XDH: variants seen among roughly 807,000 people sequenced by gnomAD.
XDH encodes xanthine dehydrogenase/oxidase.
A neutral mutation model predicts 156.1 loss-of-function variants in XDH; 138 were observed. The ratio of observed to expected loss-of-function variants is 0.88; its 90% CI spans 0.77 to 1.02. XDH has a LOEUF of 1.02. Among genes scored for constraint, XDH ranks in the 50% least tolerant of loss-of-function variants. The pLI, the probability that XDH is intolerant of heterozygous loss-of-function variation, is 0.00. For missense variants in XDH, 1,849 were observed against 1,684.9 expected (o/e 1.10, Z -1.71); for synonymous variants, 669 against 625.7 (o/e 1.07, Z -1.03).
chr2:31,364,966 A>G (rs1045436128), intron 23 of XDH, among the ~76,000 whole-genome samples: 8 of 152,154 alleles, frequency 5.3e-5, no homozygotes, highest in Non-Finnish European at 8.8e-5. Flanking sequence ...ATCCACAGAA[A>G]CCCAGAAGAG....
At chr2:31,394,545 T>C (rs559143875) in intron 6 of XDH, among the ~76,000 whole-genome samples, 97 of 152,298 alleles carry the variant, frequency 6.4e-4, no homozygotes, top group African/African-American at 2.2e-3. Context: ...TTGTGTTCTC[T>C]GAATTTCCTG....
chr2:31,403,049 C>A lies in XDH; in HGVS notation c.196G>T (p.Val66Phe). 6.2e-7 allele frequency: 1 copy of A among 1,614,122 alleles called. No individual in the cohort carries two copies. Among genetic ancestry groups the A allele is most frequent in the Non-Finnish European group, 8.5e-7 (1 of 1,180,022 alleles). ...GGTCAGCCAGCAGGCAAAGGATACA[C>A]GATCTTGTTCTGCAGACGATCATAC... ...SKYDRLQNKI[V>F]HFSANACLAP... Residue 66 changes from valine to phenylalanine, a missense_variant and splice_region_variant, in exon 3 of 36, where the codon GTC becomes TTC. Transcript: ENST00000379416.
At chr2:31,372,668 T>C (rs1252041803) in intron 16 of XDH, among the ~76,000 whole-genome samples, 1 of 152,222 alleles carries the variant, frequency 6.6e-6, no homozygotes, top group African/African-American at 2.4e-5. Context: ...TGCAGCCCCA[T>C]ATAACACAAT....
At chr2:31,383,680 A>G in intron 10 of XDH, 75 bp downstream of exon 10, 1 of 1,435,710 alleles carries the variant, frequency 7.0e-7, no homozygotes, top group South Asian at 1.2e-5. Context: ...GACCACCCTG[A>G]TACCTGCCAC....
chr2:31,411,807 T>C (rs1192934160), intron 1 of XDH, among the ~76,000 whole-genome samples: 1 of 152,236 alleles, frequency 6.6e-6, no homozygotes, highest in Non-Finnish European at 1.5e-5. Flanking sequence ...CTAATTATAA[T>C]CCATCTCTCT....
chr2:31,379,171 C>T (rs943857330), intron 13 of XDH, among the ~76,000 whole-genome samples: 1 of 152,162 alleles, frequency 6.6e-6, no homozygotes, highest in Non-Finnish European at 1.5e-5. Flanking sequence ...GAAAGACCCA[C>T]ACCAGGTCAA....
At chr2:31,374,034 A>G (rs2148773589) in intron 15 of XDH, 78 bp from the exon 16 acceptor site, 4 of 1,413,778 alleles carry the variant, frequency 2.8e-6, no homozygotes, top group Non-Finnish European at 3.9e-6. Flanking sequence ...CATAAAAATG[A>G]CCAAACTGAT....
At position 31,390,683 on chromosome 2, in the gene XDH, T is replaced by C. The variant is rs149083006; in HGVS notation, c.496-2388A>G. On this transcript the variant is annotated intron_variant, in intron 6 of 35. Transcript: ENST00000379416. ...CCTCACCAGAATCTGATGTTGTCAG[T>C]GTTTTGGATTTGACCATTCTAATAG... Among the ~76,000 whole-genome samples the C allele has an allele frequency of 1.4e-3, 213 of 152,324 alleles. 3 individuals carry two copies. The South Asian group carries it at 0.038, about 27-fold the overall frequency.
In XDH at chr2:31,341,376, C is replaced by T; in HGVS notation, c.3538G>A (p.Val1180Ile). ...GDHKNLRTDI[V>I]MDVGSSLNPA... ...TTTAGACTGGAGCCAACATCCATGA[C>T]AATATCTGTGCGGAGGTTCTAGAGT... is the stretch of plus-strand genomic sequence containing the variant. Residue 1180 changes from valine (V) to isoleucine (I), a missense_variant, in exon 33 of 36, where the codon GTC becomes ATC. Coordinates refer to ENST00000379416, the MANE Select transcript of XDH (RefSeq NM_000379.4). 1 of 1,579,614 alleles carries T rather than the reference C, an allele frequency of 6.3e-7. No homozygotes were observed. The highest frequency in any genetic ancestry group is 8.6e-7 in the Non-Finnish European group (1 of 1,159,918).
chr2:31,380,527 A>T (rs752252269), intron 12 of XDH, among the ~76,000 whole-genome samples: 11 of 152,234 alleles, frequency 7.2e-5, no homozygotes, highest in Non-Finnish European at 1.3e-4. Flanking sequence ...ATGAGCTCCC[A>T]AGAAAACCTC....
Position 31,383,763 on chromosome 2 carries a change from C to A in XDH, c.878G>T (p.Gly293Val). ...AGTGAACCTCCTCTTACCGTCGGGTCCATGTTCTACCGAATTCAGCTCAGG... is the reference window on the plus strand; with the variant it reads ...AGTGAACCTCCTCTTACCGTCGGGTACATGTTCTACCGAATTCAGCTCAGG... ...WIPELNSVEH[G>V]PDGISFGAAC... is the part of the protein sequence containing the mutation. Residue 293 changes from glycine to valine, a missense_variant, in exon 10 of 36, where the codon GGA (glycine) becomes GTA (valine). Transcript: ENST00000379416. 6.2e-7 allele frequency: 1 copy of A among 1,613,928 alleles called. No individual in the cohort carries two copies. Among genetic ancestry groups the A allele is most frequent in the South Asian group, 1.1e-5 (1 of 90,952 alleles).
chr2:31,348,462 A>C, intron 27 of XDH, 99 bp from the exon 28 acceptor site: 1 of 1,150,782 alleles, frequency 8.7e-7, no homozygotes, highest in East Asian at 2.5e-5. Context: ...GAGAACCAGC[A>C]GCATTTTGGA....
Position 31,383,114 on chromosome 2 carries a change from CCA to C in XDH, c.923_924del (p.Val308GlyfsTer10), listed in dbSNP as rs765436261. The C allele has an allele frequency of 7.4e-6, 12 of 1,614,180 alleles. No homozygotes were observed. The highest frequency in any genetic ancestry group is 8.5e-6 in the Non-Finnish European group (10 of 1,180,038). ...SFGAACPLSI[V>X]EKTLVDAVAK... The stretch of plus-strand genomic sequence containing the variant: ...GCAACAGCATCCACCAGGGTTTTTT[CCA>C]CAATGCTCAGGGGGCAAGCAGCTCC... On this transcript the variant is annotated frameshift_variant, in exon 11 of 36. Coordinates refer to ENST00000379416, the MANE Select transcript of XDH (RefSeq NM_000379.4). LOFTEE classifies it high-confidence loss of function.
rs149074112 is a variant in XDH, at chr2:31,378,055, G to GAAGAAAGAAAGAAAGA, written c.1243-834_1243-819dup. The stretch of plus-strand genomic sequence containing the variant: ...AAAAAGAGAAGAAAGAGAAAGAAAG[G>GAAGAAAGAAAGAAAGA]AAGAAAGAAAGAAAGAAAGAAAGAA... On this transcript the variant is annotated intron_variant, in intron 13 of 35. Transcript: ENST00000379416. Among the ~76,000 whole-genome samples, 35 of 65,524 alleles carry GAAGAAAGAAAGAAAGA rather than the reference G, an allele frequency of 5.3e-4. 1 individual carries two copies. The highest frequency in any genetic ancestry group is 2.0e-3 in the East Asian group (4 of 2,050). 43.0% of individuals were successfully genotyped at this position (65,524 alleles called of 152,430 possible). A position where few individuals can be genotyped will look rare whatever the true frequency, so the allele number is the denominator to read the frequency against.
Position 31,350,236 on chromosome 2 carries a change from A to G in XDH, c.2632-13T>C, listed in dbSNP as rs1400441755. The G allele has an allele frequency of 8.7e-6, 14 of 1,614,170 alleles. No homozygotes were observed. The South Asian group carries it at 1.4e-4, about 16-fold the overall frequency. ...CTCGTTCCATAATCTGAAGCAGAGG[A>G]AACAAAAATGGGAGAGAACAGTGTA... is the stretch of plus-strand genomic sequence containing the variant. On this transcript the variant is annotated splice_polypyrimidine_tract_variant and intron_variant, in intron 24 of 35. Transcript: ENST00000379416.
chr2:31,375,313 C>T, intron 15 of XDH, 67 bp downstream of exon 15: 2 of 1,608,126 alleles, frequency 1.2e-6, no homozygotes, highest in African/African-American at 1.3e-5. Flanking sequence ...AAATTTACTA[C>T]CCAGACCAAC....
rs1684942298 is a variant in XDH, at chr2:31,335,227, T to C, written c.*731A>G. Reference sequence around the variant, plus strand: ...TGGCTTCAAATGTAAAGATTAAACATAATCTTTTTTGTAAATACTCAAAGA... The same window carrying C: ...TGGCTTCAAATGTAAAGATTAAACACAATCTTTTTTGTAAATACTCAAAGA... On this transcript the variant is annotated 3_prime_UTR_variant, in exon 36 of 36. Coordinates refer to ENST00000379416, the MANE Select transcript of XDH (RefSeq NM_000379.4). 1 of 152,014 alleles carries C rather than the reference T, an allele frequency of 6.6e-6. No homozygotes were observed. Among genetic ancestry groups the C allele is most frequent in the Non-Finnish European group, 1.5e-5 (1 of 68,172 alleles). The allele number at this position is 152,014 out of a possible 1,614,324, so 9.4% of individuals were successfully genotyped here. A position where few individuals can be genotyped will look rare whatever the true frequency, so the allele number is the denominator to read the frequency against.
At chr2:31,358,591 T>C (rs2148762358) in intron 24 of XDH, among the ~76,000 whole-genome samples, 1 of 152,262 alleles carries the variant, frequency 6.6e-6, no homozygotes, top group South Asian at 2.1e-4. Context: ...GGACAGTGGT[T>C]GGTTCAGTGT....
chr2:31,386,298 G>T, intron 9 of XDH, 116 bp downstream of exon 9: 1 of 1,399,138 alleles, frequency 7.1e-7, no homozygotes, highest in Non-Finnish European at 9.8e-7. Context: ...AGTCAGTGGG[G>T]CAGAGGGATA....
Sources: allele counts gnomAD v4.1 joint callset (sites outside exome capture counted in the v4.1 genomes callset), GRCh38; gene constraint gnomAD v4.1.1; transcripts MANE v1.5; gene names NCBI Gene and HGNC (gene_info 2026-07-23, HGNC 2026-07-21).